The following DYRK1A variants were observed in gnomAD, a reference collection of about 807,000 sequenced individuals.
DYRK1A encodes the protein dual specificity tyrosine phosphorylation regulated kinase 1A.
DYRK1A carries 9 observed loss-of-function variants against 79.7 expected under a neutral mutation model. The observed-to-expected ratio is 0.11, with a 90% CI of 0.07 to 0.20. DYRK1A has a LOEUF of 0.20. Among genes scored for constraint, DYRK1A ranks in the 10% least tolerant of loss-of-function variants. The probability of loss-of-function intolerance (pLI) is 1.00; values close to 1 mark genes in which losing one functional copy is unlikely to be tolerated. For synonymous variants in DYRK1A, 349 were observed against 329.7 expected (o/e 1.06, Z -0.63); for missense variants, 622 against 956.0 (o/e 0.65, Z 4.61).
intron 2 of DYRK1A, among the ~76,000 whole-genome samples, chr21:37,429,621 A>G (rs1159026429): frequency 2.0e-5 from 3 of 152,132 alleles, no homozygotes; most frequent in East Asian, 1.9e-4. Context: ...CTGTGATCCA[A>G]TCACCTTTCA....
At chr21:37,377,158 C>A (rs118150069) in intron 1 of DYRK1A, among the ~76,000 whole-genome samples, 3 of 152,262 alleles carry the variant, frequency 2.0e-5, no homozygotes, top group Non-Finnish European at 4.4e-5. Context: ...CTCGCTCTTT[C>A]CCCAAGGCTG....
intron 2 of DYRK1A, among the ~76,000 whole-genome samples, chr21:37,468,308 T>C (rs2052103790): frequency 6.6e-6 from 1 of 151,376 alleles, no homozygotes; most frequent in Non-Finnish European, 1.5e-5. Context: ...GAGGTGGTGG[T>C]GTGTTTCCCA....
At chr21:37,388,290 C>T (rs919461542) in intron 1 of DYRK1A, among the ~76,000 whole-genome samples, 1 of 151,982 alleles carries the variant, frequency 6.6e-6, no homozygotes, top group East Asian at 1.9e-4. Context: ...TGCCATGTTG[C>T]CCAGGCTGGT....
chr21:37,381,652 A>G (rs899084487), intron 1 of DYRK1A, among the ~76,000 whole-genome samples: 1 of 152,142 alleles, frequency 6.6e-6, no homozygotes, highest in African/African-American at 2.4e-5. Flanking sequence ...TGCTATAGCC[A>G]GGTGTGGTGG....
intron 9 of DYRK1A, among the ~76,000 whole-genome samples, chr21:37,497,649 T>C (rs2053313222): frequency 6.6e-6 from 1 of 152,230 alleles, no homozygotes; most frequent in Non-Finnish European, 1.5e-5. Flanking sequence ...ATATTTTGCT[T>C]CTGCTATTTT....
At chr21:37,408,710 GCTTA>G (rs1307321740) in intron 1 of DYRK1A, among the ~76,000 whole-genome samples, 1 of 152,160 alleles carries the variant, frequency 6.6e-6, no homozygotes, top group Non-Finnish European at 1.5e-5. Flanking sequence ...ACTTAACTGT[GCTTA>G]CTTATCTCAT....
At position 37,515,332 on chromosome 21, in the gene DYRK1A, T is replaced by C. The variant is rs1382692461; in HGVS notation, c.*2801T>C. 1 of 152,654 alleles carries C rather than the reference T, an allele frequency of 6.6e-6. No homozygotes were observed. Among genetic ancestry groups the C allele is most frequent in the Admixed American group, 6.5e-5 (1 of 15,284 alleles). 9.5% of individuals were successfully genotyped at this position (152,654 alleles called of 1,614,324 possible). On this transcript the variant is annotated 3_prime_UTR_variant, in exon 12 of 12. Transcript: ENST00000647188. ...GGAAACTATTTGAGATACATTGACATAGGCATCAGCAATCTCTGAAAGTAA... is the reference window on the plus strand; with the variant it reads ...GGAAACTATTTGAGATACATTGACACAGGCATCAGCAATCTCTGAAAGTAA...
intron 1 of DYRK1A, among the ~76,000 whole-genome samples, chr21:37,412,365 T>C (rs895899715): frequency 5.3e-5 from 8 of 152,182 alleles, no homozygotes; most frequent in African/African-American, 1.9e-4. Flanking sequence ...CAAAATAAAT[T>C]AGGGCAGCGG....
intron 1 of DYRK1A, among the ~76,000 whole-genome samples, chr21:37,374,603 A>T (rs1197752560): frequency 6.6e-6 from 1 of 151,618 alleles, no homozygotes; most frequent in East Asian, 1.9e-4. Flanking sequence ...CCCAGGCTGG[A>T]GTACAGTGGT....
intron 2 of DYRK1A, among the ~76,000 whole-genome samples, chr21:37,439,122 T>C (rs1426598269): frequency 6.6e-6 from 1 of 152,224 alleles, no homozygotes; most frequent in Non-Finnish European, 1.5e-5. Flanking sequence ...AGAAATACAA[T>C]TGATATAAAT....
chr21:37,418,516 A>G (rs571594005), intron 1 of DYRK1A, among the ~76,000 whole-genome samples: 2 of 152,298 alleles, frequency 1.3e-5, no homozygotes, highest in East Asian at 3.8e-4. Context: ...TGTAAGTAGC[A>G]TTGTAACATT....
intron 2 of DYRK1A, among the ~76,000 whole-genome samples, chr21:37,467,879 G>A (rs998502973): frequency 6.6e-6 from 1 of 152,066 alleles, no homozygotes; most frequent in Non-Finnish European, 1.5e-5. Flanking sequence ...AATAAGGCAA[G>A]GGAAAGAATA....
intron 5 of DYRK1A, among the ~76,000 whole-genome samples, chr21:37,484,041 G>A (rs527848111): frequency 6.2e-4 from 94 of 152,300 alleles, no homozygotes; most frequent in African/African-American, 1.9e-3. Flanking sequence ...TGAGTGGTCA[G>A]CAAGCATTAC....
intron 1 of DYRK1A, among the ~76,000 whole-genome samples, chr21:37,392,593 A>G (rs1389808765): frequency 6.6e-6 from 1 of 152,212 alleles, no homozygotes; most frequent in African/African-American, 2.4e-5. Flanking sequence ...GTGTCCTCAC[A>G]TGATGGAAGG....
chr21:37,523,569 A>G lies in DYRK1A; in HGVS notation c.*11038A>G, dbSNP rs907081104. The G allele has an allele frequency of 6.6e-6, 1 of 152,188 alleles. No individual in the cohort carries two copies. Among genetic ancestry groups the G allele is most frequent in the Non-Finnish European group, 1.5e-5 (1 of 68,018 alleles). The allele number at this position is 152,188 out of a possible 1,614,324, so 9.4% of individuals were successfully genotyped here. A position where few individuals can be genotyped will look rare whatever the true frequency, so the allele number is the denominator to read the frequency against. ...GCTGTTATCACATCCTTCCAGGGCT[A>G]TCGGCTGTTCAGGAACAGGAGAGCT... On this transcript the variant is annotated 3_prime_UTR_variant, in exon 12 of 12. Coordinates refer to ENST00000647188, the MANE Select transcript of DYRK1A (RefSeq NM_001347721.2).
chr21:37,459,221 C>T (rs2051759275), intron 2 of DYRK1A, among the ~76,000 whole-genome samples: 1 of 152,158 alleles, frequency 6.6e-6, no homozygotes, highest in Admixed American at 6.5e-5. Context: ...ATTTTATTAG[C>T]TTGCTTGAAA....
Position 37,517,673 on chromosome 21 carries a change from G to A in DYRK1A, c.*5142G>A, listed in dbSNP as rs2053894923. 1 of 152,208 alleles carries A rather than the reference G, an allele frequency of 6.6e-6. No homozygotes were observed. The highest frequency in any genetic ancestry group is 2.4e-5 in the African/African-American group (1 of 41,402). 9.4% of individuals were successfully genotyped at this position (152,208 alleles called of 1,614,324 possible). On this transcript the variant is annotated 3_prime_UTR_variant, in exon 12 of 12. Coordinates refer to ENST00000647188, the MANE Select transcript of DYRK1A (RefSeq NM_001347721.2). ...GTGTGCCGGGCAGGGAGTTGTTAAT[G>A]AACACCCAGGCAAGAGGACGGGCCT...
At chr21:37,376,659 A>G (rs747266290) in intron 1 of DYRK1A, among the ~76,000 whole-genome samples, 35 of 152,126 alleles carry the variant, frequency 2.3e-4, no homozygotes, top group Non-Finnish European at 1.0e-4. Context: ...AATTCTGCCT[A>G]GGACCCTGCG....
At chr21:37,417,746 C>G (rs1348657951) in intron 1 of DYRK1A, among the ~76,000 whole-genome samples, 1 of 151,214 alleles carries the variant, frequency 6.6e-6, no homozygotes, top group Non-Finnish European at 1.5e-5. Flanking sequence ...TTTAAGACAA[C>G]TAAAAAAAAT....
Sources: allele counts gnomAD v4.1 joint callset (sites outside exome capture counted in the v4.1 genomes callset), GRCh38; gene constraint gnomAD v4.1.1; transcripts MANE v1.5; gene names NCBI Gene and HGNC (gene_info 2026-07-23, HGNC 2026-07-21).